Variants in DACH1 observed in about 807,000 individuals in gnomAD.
DACH1 encodes dachshund homolog 1.
DACH1 carries 12 observed loss-of-function variants against 54.2 expected under a neutral mutation model. The ratio of observed to expected loss-of-function variants is 0.22; its 90% CI spans 0.14 to 0.36. DACH1 has a LOEUF of 0.36. Ranked by LOEUF, DACH1 falls within the 10% of genes least tolerant of loss-of-function variation. The pLI, the probability that DACH1 is intolerant of heterozygous loss-of-function variation, is 1.00. For missense variants in DACH1, 805 were observed against 929.8 expected, an observed-to-expected ratio of 0.87 and a Z score of 1.75; for synonymous variants, 386 against 366.2, an observed-to-expected ratio of 1.05 and a Z score of -0.62.
intron 3 of DACH1, among the ~76,000 whole-genome samples, chr13:71,607,470 A>G (rs1874959747): frequency 6.6e-6 from 1 of 152,052 alleles, no homozygotes; most frequent in Non-Finnish European, 1.5e-5. Context: ...TGTTACATGG[A>G]AAAAAGTAAG....
intron 6 of DACH1, among the ~76,000 whole-genome samples, chr13:71,512,579 A>C (rs1242717352): frequency 1.3e-5 from 2 of 151,898 alleles, no homozygotes; most frequent in Non-Finnish European, 2.9e-5. Context: ...ATAAACTCCA[A>C]AAATTTGGAT....
intron 1 of DACH1, among the ~76,000 whole-genome samples, chr13:71,819,538 C>T (rs1304862688): frequency 6.6e-6 from 1 of 152,142 alleles, no homozygotes; most frequent in Non-Finnish European, 1.5e-5. Flanking sequence ...CATGGTATCA[C>T]ATGGTATTTT....
At chr13:71,692,046 C>CAT (rs1443175040) in intron 1 of DACH1, among the ~76,000 whole-genome samples, 1 of 150,354 alleles carries the variant, frequency 6.7e-6, no homozygotes, top group Non-Finnish European at 1.5e-5. Flanking sequence ...CACACACACA[C>CAT]AGACACACAC....
intron 1 of DACH1, among the ~76,000 whole-genome samples, chr13:71,793,753 C>G (rs1886926228): frequency 6.6e-6 from 1 of 152,116 alleles, no homozygotes; most frequent in South Asian, 2.1e-4. Flanking sequence ...TCTCAAACTA[C>G]TGGGTTTAAG....
At chr13:71,515,757 A>T (rs1881107797) in intron 6 of DACH1, among the ~76,000 whole-genome samples, 1 of 151,952 alleles carries the variant, frequency 6.6e-6, no homozygotes, top group Non-Finnish European at 1.5e-5. Context: ...TTGGAGGTCA[A>T]GTACCTTGTG....
chr13:71,475,016 T>A (rs754107148), intron 10 of DACH1, 125 bp downstream of exon 10: 13 of 766,904 alleles, frequency 1.7e-5, no homozygotes, highest in Non-Finnish European at 2.9e-5. Context: ...CAAGATGAAC[T>A]TGACCTTGTT....
chr13:71,865,777 C>T, intron 1 of DACH1, 145 bp downstream of exon 1: 1 of 1,256,348 alleles, frequency 8.0e-7, no homozygotes, highest in Non-Finnish European at 1.0e-6. Flanking sequence ...TGGCGAGCCC[C>T]GAGCAGGGAG....
At chr13:71,607,852 T>C (rs1874990875) in intron 3 of DACH1, among the ~76,000 whole-genome samples, 1 of 152,020 alleles carries the variant, frequency 6.6e-6, no homozygotes, top group Non-Finnish European at 1.5e-5. Flanking sequence ...AAAGGAACAG[T>C]GTCATAAAAA....
intron 7 of DACH1, among the ~76,000 whole-genome samples, chr13:71,486,464 A>G (rs1405491861): frequency 6.6e-6 from 1 of 152,162 alleles, no homozygotes; most frequent in Non-Finnish European, 1.5e-5. Flanking sequence ...TAAACATTCC[A>G]TACCATTCCT....
At chr13:71,784,432 T>G (rs1594217689) in intron 1 of DACH1, among the ~76,000 whole-genome samples, 1 of 152,246 alleles carries the variant, frequency 6.6e-6, no homozygotes, top group Admixed American at 6.5e-5. Flanking sequence ...GAAAAATTCA[T>G]TATTTTCGCT....
intron 7 of DACH1, among the ~76,000 whole-genome samples, chr13:71,486,808 TTATTTATCTATCTATCTATCTATC>T (rs1250818492): frequency 1.3e-3 from 187 of 147,852 alleles, no homozygotes; most frequent in African/African-American, 3.6e-3. Flanking sequence ...ATTTATTTAT[TTATTTATCTATCTATCTATCTATC>T]TATCTATCTA....
chr13:71,461,324 C>T (rs895980074), intron 10 of DACH1, among the ~76,000 whole-genome samples: 1 of 151,974 alleles, frequency 6.6e-6, no homozygotes, highest in Non-Finnish European at 1.5e-5. Flanking sequence ...GAGAAGTCAT[C>T]GCATTCATTC....
At chr13:71,690,551 G>GA (rs1364700261) in intron 1 of DACH1, among the ~76,000 whole-genome samples, 3 of 152,124 alleles carry the variant, frequency 2.0e-5, no homozygotes, top group Non-Finnish European at 4.4e-5. Flanking sequence ...TAAAGTTTGG[G>GA]AAAACGTTAA....
intron 3 of DACH1, among the ~76,000 whole-genome samples, chr13:71,620,296 C>T (rs1876124905): frequency 6.6e-6 from 1 of 151,836 alleles, no homozygotes; most frequent in South Asian, 2.1e-4. Context: ...GATGAAGAAA[C>T]ACTAAACTAT....
chr13:71,489,183 T>TGAAACAAAA, intron 6 of DACH1, 35 bp from the exon 7 acceptor site: 1 of 1,594,684 alleles, frequency 6.3e-7, no homozygotes, highest in Non-Finnish European at 8.6e-7. Context: ...TAGAACAAGT[T>TGAAACAAAA]ACGCTTGTCT....
intron 1 of DACH1, among the ~76,000 whole-genome samples, chr13:71,834,032 C>T (rs1888686772): frequency 6.6e-6 from 1 of 151,986 alleles, no homozygotes; most frequent in Non-Finnish European, 1.5e-5. Context: ...TATGGACACA[C>T]TGGTAGTCAT....
intron 6 of DACH1, 150 bp downstream of exon 6, chr13:71,556,874 G>T: frequency 1.3e-6 from 1 of 755,916 alleles, no homozygotes; most frequent in Non-Finnish European, 1.9e-6. Context: ...TGAATGAATA[G>T]GTTTAATTTG....
intron 1 of DACH1, among the ~76,000 whole-genome samples, chr13:71,844,289 T>C (rs996773255): frequency 6.6e-6 from 1 of 152,122 alleles, no homozygotes; most frequent in Non-Finnish European, 1.5e-5. Flanking sequence ...AGGTCGTGCA[T>C]AAATAGTACA....
chr13:71,480,764 A>G (rs965147395), intron 7 of DACH1, among the ~76,000 whole-genome samples: 3 of 152,188 alleles, frequency 2.0e-5, no homozygotes, highest in African/African-American at 7.2e-5. Context: ...TTGTAAGCGC[A>G]ATAGACAGAT....
Sources: allele counts gnomAD v4.1 joint callset (sites outside exome capture counted in the v4.1 genomes callset), GRCh38; gene constraint gnomAD v4.1.1; transcripts MANE v1.5; gene names NCBI Gene and HGNC (gene_info 2026-07-23, HGNC 2026-07-21).